The following SH2D4A variants were observed in gnomAD, a reference collection of about 807,000 sequenced individuals.
The protein encoded by SH2D4A is SH2 domain-containing protein 4A.
A neutral mutation model predicts 64.7 loss-of-function variants in SH2D4A; 70 were observed. That is an observed-to-expected ratio of 1.08 (90% CI 0.89 to 1.32). The LOEUF (loss-of-function observed/expected upper bound fraction) is 1.32, where lower values mean the gene tolerates loss of function less well. Among genes scored for constraint, SH2D4A ranks in the 40% most tolerant of loss-of-function variants. The pLI is 0.00. For synonymous variants in SH2D4A, 268 were observed against 200.7 expected (o/e 1.34, Z -2.83); for missense variants, 706 against 540.1 (o/e 1.31, Z -3.04).
chr8:19,335,224 C>T (rs1021649317), intron 4 of SH2D4A, among the ~76,000 whole-genome samples: 1 of 151,846 alleles, frequency 6.6e-6, no homozygotes, highest in Non-Finnish European at 1.5e-5. Flanking sequence ...GGAGGTGGAG[C>T]TTGCAGTGAG....
At position 19,361,253 on chromosome 8, in the gene SH2D4A, A is replaced by C. The variant is rs191917858; in HGVS notation, c.645A>C (p.Glu215Asp). The change falls in exon 6 of 10, where the codon GAA (glutamate) becomes GAC (aspartate). Residue 215 changes from glutamate (E) to aspartate (D), a missense_variant. Physicochemically the swap from Glu to Asp is conservative, Grantham distance 45 (BLOSUM62 2). Transcript: ENST00000265807. ...KKQDEEINQI[E>D]EERTKQICKS... ...AAGATGAAGAAATAAATCAAATAGA[A>C]GAAGAGAGAACGAAGCAGATTTGTA... The C allele has an allele frequency of 1.2e-5, 20 of 1,609,108 alleles. No individual in the cohort carries two copies. In the East Asian group the frequency reaches 4.2e-4, roughly 34 times the overall value.
intron 2 of SH2D4A, among the ~76,000 whole-genome samples, chr8:19,325,375 C>T (rs2052260886): frequency 2.6e-5 from 4 of 152,144 alleles, no homozygotes; most frequent in African/African-American, 9.7e-5. Flanking sequence ...TTTATTGTTA[C>T]AAATAAGGAA....
At chr8:19,389,286 A>T (rs562958202) in intron 8 of SH2D4A, among the ~76,000 whole-genome samples, 2 of 152,166 alleles carry the variant, frequency 1.3e-5, no homozygotes, top group African/African-American at 2.4e-5. Flanking sequence ...TATGCAAAAA[A>T]TGTTTCCCCG....
At chr8:19,332,657 C>T (rs2052380659) in intron 2 of SH2D4A, among the ~76,000 whole-genome samples, 1 of 144,182 alleles carries the variant, frequency 6.9e-6, no homozygotes, top group African/African-American at 2.6e-5. Context: ...GATCATGCCA[C>T]TGCACTCCAG....
At chr8:19,335,162 C>G (rs2052426423) in intron 4 of SH2D4A, among the ~76,000 whole-genome samples, 6 of 152,172 alleles carry the variant, frequency 3.9e-5, no homozygotes, top group African/African-American at 1.4e-4. Flanking sequence ...GTGGCGGGCG[C>G]CTGCAGTCCC....
intron 5 of SH2D4A, 138 bp downstream of exon 5, chr8:19,357,421 A>G: frequency 1.4e-6 from 1 of 690,506 alleles, no homozygotes; most frequent in Non-Finnish European, 2.5e-6. Flanking sequence ...AGCTGCAAAC[A>G]CAGTTCTGCA....
At chr8:19,337,939 G>A (rs1476287980) in intron 4 of SH2D4A, among the ~76,000 whole-genome samples, 1 of 152,168 alleles carries the variant, frequency 6.6e-6, no homozygotes, top group African/African-American at 2.4e-5. Context: ...GCCGAGTGAA[G>A]AAAGAGGCAG....
At chr8:19,329,196 A>G (rs1015528876) in intron 2 of SH2D4A, among the ~76,000 whole-genome samples, 1 of 152,122 alleles carries the variant, frequency 6.6e-6, no homozygotes, top group African/African-American at 2.4e-5. Flanking sequence ...CCATCCTCCC[A>G]TACTCAGTAC....
chr8:19,348,784 T>C (rs547497263), intron 4 of SH2D4A, among the ~76,000 whole-genome samples: 3 of 152,208 alleles, frequency 2.0e-5, no homozygotes, highest in Non-Finnish European at 4.4e-5. Flanking sequence ...AATAACACTT[T>C]AAGGTGATTT....
chr8:19,373,646 C>T lies in SH2D4A; in HGVS notation c.1034C>T (p.Ala345Val). 1 of 1,612,910 alleles carries T rather than the reference C, an allele frequency of 6.2e-7. No individual in the cohort carries two copies. Residue 345 changes from alanine (A) to valine (V), a missense_variant, in exon 8 of 10, where the codon GCC becomes GTC. Coordinates refer to ENST00000265807, the MANE Select transcript of SH2D4A (RefSeq NM_022071.4). ...AGYQKTSDTIAPWFHGILTLK... is the reference protein window; with the variant it reads ...AGYQKTSDTIVPWFHGILTLK... The stretch of plus-strand genomic sequence containing the variant: ...TACCAGAAAACCTCAGACACCATAG[C>T]CCCCTGGTTCCATGGTGAGTGCAGA...
intron 8 of SH2D4A, among the ~76,000 whole-genome samples, chr8:19,384,459 A>G (rs1320326): frequency 0.18 from 27,836 of 152,114 alleles, 3,167 homozygotes; most frequent in African/African-American, 0.32. Flanking sequence ...GTCCTTGAAC[A>G]CCCATTTTTT....
intron 2 of SH2D4A, among the ~76,000 whole-genome samples, chr8:19,324,437 A>G (rs1401581030): frequency 1.3e-5 from 2 of 152,342 alleles, no homozygotes; most frequent in East Asian, 3.9e-4. Context: ...CCATTGGTTC[A>G]TGCCATTGAC....
chr8:19,364,137 A>C lies in SH2D4A; in HGVS notation c.772A>C (p.Lys258Gln). The C allele has an allele frequency of 6.2e-7, 1 of 1,614,108 alleles. No individual in the cohort carries two copies. Among genetic ancestry groups the C allele is most frequent in the Middle Eastern group, 1.7e-4 (1 of 6,060 alleles). Residue 258 changes from lysine to glutamine, a missense_variant, in exon 7 of 10, where the codon AAG becomes CAG. Lys to Gln is a moderately conservative substitution (Grantham distance 53, BLOSUM62 1). Transcript: ENST00000265807. ...SLAKQAREDY[K>Q]RLSLGAQKGR... ...GGCTAAACAAGCACGAGAAGACTAC[A>C]AGAGGTTATCCCTCGGGGCCCAGAA...
intron 8 of SH2D4A, among the ~76,000 whole-genome samples, chr8:19,383,737 AT>A (rs2053338794): frequency 6.6e-6 from 1 of 152,098 alleles, no homozygotes; most frequent in South Asian, 2.1e-4. Flanking sequence ...GTATCTTTAC[AT>A]GGCCATGAAT....
chr8:19,337,811 T>C (rs1013249605), intron 4 of SH2D4A, among the ~76,000 whole-genome samples: 3 of 152,142 alleles, frequency 2.0e-5, no homozygotes, highest in Admixed American at 6.5e-5. Context: ...CCCCATGATT[T>C]AACTGCCTCC....
chr8:19,352,784 G>C (rs1460326015), intron 4 of SH2D4A, among the ~76,000 whole-genome samples: 1 of 151,974 alleles, frequency 6.6e-6, no homozygotes, highest in African/African-American at 2.4e-5. Flanking sequence ...AGGTGGGAGC[G>C]TCACTTGAGC....
chr8:19,381,338 C>T (rs557091337), intron 8 of SH2D4A, among the ~76,000 whole-genome samples: 59 of 152,354 alleles, frequency 3.9e-4, no homozygotes, highest in African/African-American at 1.3e-3. Context: ...GCATGAGCCA[C>T]TGTGTCCAGT....
At chr8:19,356,106 G>A (rs960477087) in intron 4 of SH2D4A, among the ~76,000 whole-genome samples, 1 of 152,190 alleles carries the variant, frequency 6.6e-6, no homozygotes, top group African/African-American at 2.4e-5. Context: ...AAGGAAGGTG[G>A]AAGTGGCCTG....
intron 4 of SH2D4A, among the ~76,000 whole-genome samples, chr8:19,346,590 A>T (rs891469573): frequency 1.3e-5 from 2 of 152,244 alleles, no homozygotes; most frequent in Admixed American, 1.3e-4. Context: ...TCCCGAAGCC[A>T]TCCCTCTGGC....
Sources: allele counts gnomAD v4.1 joint callset (sites outside exome capture counted in the v4.1 genomes callset), GRCh38; gene constraint gnomAD v4.1.1; transcripts MANE v1.5; gene names NCBI Gene and HGNC (gene_info 2026-07-23, HGNC 2026-07-21).